RPS6KC1: variants seen among roughly 807,000 people sequenced by gnomAD.
RPS6KC1 encodes inactive ribosomal protein S6 kinase delta-1.
A neutral mutation model predicts 103.8 loss-of-function variants in RPS6KC1; 54 were observed. The observed-to-expected ratio is 0.52, with a 90% CI of 0.42 to 0.65. The LOEUF (loss-of-function observed/expected upper bound fraction) is 0.65. RPS6KC1 is among the 30% of genes least tolerant of loss of function. RPS6KC1 has a pLI of 0.00. For synonymous variants in RPS6KC1, 439 were observed against 438.7 expected, an observed-to-expected ratio of 1.00 and a Z score of -0.01; for missense variants, 1,151 against 1,253.8, an observed-to-expected ratio of 0.92 and a Z score of 1.24.
chr1:213,631,194 G>A, the RPS6KC1 span, among the ~76,000 whole-genome samples: 1 of 152,034 alleles, frequency 6.6e-6, no homozygotes, highest in Non-Finnish European at 1.5e-5. Flanking sequence ...TTTGGCTCAT[G>A]CTCTGTGTGC....
chr1:213,432,966 T>C, the RPS6KC1 span, among the ~76,000 whole-genome samples: 1 of 152,250 alleles, frequency 6.6e-6, no homozygotes, highest in Non-Finnish European at 1.5e-5. Flanking sequence ...TTTCTATTTC[T>C]GTCATAACAA....
chr1:213,540,443 A>G, the RPS6KC1 span, among the ~76,000 whole-genome samples: 23 of 152,292 alleles, frequency 1.5e-4, no homozygotes, highest in Admixed American at 6.5e-4. Context: ...TCCTGGGCTC[A>G]AGTGATCTTC....
At chr1:213,545,491 C>T in the RPS6KC1 span, among the ~76,000 whole-genome samples, 1 of 151,978 alleles carries the variant, frequency 6.6e-6, no homozygotes, top group Non-Finnish European at 1.5e-5. Context: ...GTAGATGAGT[C>T]TTCTCCCTGT....
the RPS6KC1 span, among the ~76,000 whole-genome samples, chr1:213,585,356 G>T: frequency 1.3e-5 from 2 of 152,060 alleles, no homozygotes; most frequent in African/African-American, 4.8e-5. Context: ...TTCTCCCCCT[G>T]AGAAAGGACT....
intron 10 of RPS6KC1, among the ~76,000 whole-genome samples, chr1:213,236,290 T>C (rs2094219378): frequency 6.6e-6 from 1 of 152,196 alleles, no homozygotes; most frequent in African/African-American, 2.4e-5. Context: ...AAAGAATGGT[T>C]ATTAGAGTCT....
chr1:213,683,454 C>T, the RPS6KC1 span, among the ~76,000 whole-genome samples: 1 of 152,142 alleles, frequency 6.6e-6, no homozygotes, highest in Admixed American at 6.5e-5. Context: ...CTTGAGGTCC[C>T]CAGGCTAGTA....
chr1:213,164,746 A>G lies in RPS6KC1; in HGVS notation c.836-3112A>G, dbSNP rs146679968. On this transcript the variant is annotated intron_variant, in intron 6 of 14. Coordinates refer to ENST00000366960, the MANE Select transcript of RPS6KC1 (RefSeq NM_012424.6). ...CCTGGCTGACTTTTGTATTTTCAAT[A>G]GAGACAGACATGGGATCTTGCTATG... is the stretch of plus-strand genomic sequence containing the variant. Among the ~76,000 whole-genome samples, 22 of 152,206 alleles carry G rather than the reference A, an allele frequency of 1.4e-4. No individual in the cohort carries two copies. The East Asian group carries it at 4.3e-3, about 30-fold the overall frequency.
chr1:213,713,473 T>C, the RPS6KC1 span, among the ~76,000 whole-genome samples: 1 of 152,244 alleles, frequency 6.6e-6, no homozygotes, highest in Non-Finnish European at 1.5e-5. Context: ...GTAAGTATTG[T>C]TCATTGCTTA....
the RPS6KC1 span, among the ~76,000 whole-genome samples, chr1:213,352,477 C>T: frequency 6.6e-6 from 1 of 151,976 alleles, no homozygotes; most frequent in Non-Finnish European, 1.5e-5. Flanking sequence ...GACTGGGGAT[C>T]TGGGAACAGA....
At chr1:213,182,576 CAG>C (rs914973413) in intron 8 of RPS6KC1, among the ~76,000 whole-genome samples, 1 of 151,488 alleles carries the variant, frequency 6.6e-6, no homozygotes, top group South Asian at 2.1e-4. Flanking sequence ...AAAATGGAAA[CAG>C]AGAGAACAAA....
chr1:213,310,595 G>A, the RPS6KC1 span, among the ~76,000 whole-genome samples: 2 of 152,142 alleles, frequency 1.3e-5, no homozygotes, highest in African/African-American at 4.8e-5. Context: ...TTGACATGAT[G>A]TATATTTATG....
chr1:213,272,379 C>G, intron 14 of RPS6KC1, 145 bp from the exon 15 acceptor site: 1 of 631,804 alleles, frequency 1.6e-6, no homozygotes, highest in Non-Finnish European at 2.9e-6. Flanking sequence ...GACATAGCTC[C>G]CTTTCAAGAA....
the RPS6KC1 span, among the ~76,000 whole-genome samples, chr1:213,572,866 C>T: frequency 6.6e-6 from 1 of 152,052 alleles, no homozygotes; most frequent in Non-Finnish European, 1.5e-5. Context: ...TCCTAAGAGC[C>T]CCCATCTTGG....
chr1:213,627,183 A>T, the RPS6KC1 span, among the ~76,000 whole-genome samples: 6 of 152,052 alleles, frequency 3.9e-5, no homozygotes, highest in Non-Finnish European at 8.8e-5. Flanking sequence ...ATTCTCTTTG[A>T]AGCAGTTGTG....
Position 213,051,271 on chromosome 1 carries a change from GCCGCCGTGGAGCCGCCTTGGAGCCA to G in RPS6KC1, c.-128_-104del. Reference sequence around the variant, plus strand: ...GGAAGCAGAGCTGTGCAGCTGAGGCGCCGCCGTGGAGCCGCCTTGGAGCCACCGCCCCCTCGCCGCTTCGCCGCTG... The same window carrying G: ...GGAAGCAGAGCTGTGCAGCTGAGGCGCCGCCCCCTCGCCGCTTCGCCGCTG... On this transcript the variant is annotated 5_prime_UTR_variant, in exon 1 of 15. Transcript: ENST00000366960. The G allele has an allele frequency of 1.6e-6, 1 of 636,732 alleles. No individual in the cohort carries two copies. Among genetic ancestry groups the G allele is most frequent in the Non-Finnish European group, 2.8e-6 (1 of 362,396 alleles). The allele number at this position is 636,732 out of a possible 1,614,324, so 39.4% of individuals were successfully genotyped here.
the RPS6KC1 span, among the ~76,000 whole-genome samples, chr1:213,664,110 C>T: frequency 6.6e-6 from 1 of 150,526 alleles, no homozygotes; most frequent in East Asian, 2.0e-4. Flanking sequence ...CTCCCTGCAG[C>T]ACACAGGGCA....
chr1:213,768,857 C>T, the RPS6KC1 span, among the ~76,000 whole-genome samples: 1 of 152,184 alleles, frequency 6.6e-6, no homozygotes, highest in African/African-American at 2.4e-5. Context: ...GCCTGCAGAA[C>T]TCTATTTAGC....
the RPS6KC1 span, among the ~76,000 whole-genome samples, chr1:213,582,816 T>C: frequency 6.6e-6 from 1 of 152,230 alleles, no homozygotes; most frequent in African/African-American, 2.4e-5. Context: ...CACTGTTTGA[T>C]GGGTTTTGAC....
At chr1:213,118,242 A>G (rs143984372) in intron 5 of RPS6KC1, among the ~76,000 whole-genome samples, 3 of 152,010 alleles carry the variant, frequency 2.0e-5, no homozygotes, top group Non-Finnish European at 4.4e-5. Context: ...TCTTCTATTA[A>G]GGTACACTTG....
Sources: gnomAD v4.1 joint callset for allele counts (sites outside exome capture counted in the v4.1 genomes callset) on GRCh38, gnomAD v4.1.1 for gene constraint, MANE v1.5 for transcripts, NCBI Gene and HGNC (gene_info 2026-07-23, HGNC 2026-07-21) for gene names.